PCDHGA7: variants seen among roughly 807,000 people sequenced by gnomAD.
PCDHGA7 encodes protocadherin gamma-A7.
Under a neutral mutation model 58.3 loss-of-function variants are expected in PCDHGA7, and 44 were observed. The ratio of observed to expected loss-of-function variants is 0.75; its 90% CI spans 0.59 to 0.97. PCDHGA7 has a LOEUF of 0.97. Among genes scored for constraint, PCDHGA7 ranks in the 50% least tolerant of loss-of-function variants. PCDHGA7 has a pLI of 0.00. For synonymous variants in PCDHGA7, 516 were observed against 504.2 expected (o/e 1.02, Z -0.31); for missense variants, 1,266 against 1,188.7 (o/e 1.06, Z -0.96).
Position 141,490,637 on chromosome 5 carries a change from A to C in PCDHGA7, c.2425-4170A>C. ...CTTTACACTGCTTACATCCTAGAAA[A>C]CCGGCCTCCGGGCTCCCTTCTTTGC... is the stretch of plus-strand genomic sequence containing the variant. On this transcript the variant is annotated intron_variant, in intron 1 of 3. Coordinates refer to ENST00000518325, the MANE Select transcript of PCDHGA7 (RefSeq NM_018920.4). This position sits in a 1 kb window ranked among gnomAD's most constrained non-coding sequence, Gnocchi z 5.4. 1 of 1,614,108 alleles carries C rather than the reference A, an allele frequency of 6.2e-7. No individual in the cohort carries two copies. Among genetic ancestry groups the C allele is most frequent in the Non-Finnish European group, 8.5e-7 (1 of 1,179,992 alleles).
chr5:141,511,215 A>G lies in PCDHGA7; in HGVS notation c.*42A>G, dbSNP rs1562250541. On this transcript the variant is annotated 3_prime_UTR_variant, in exon 4 of 4. Coordinates refer to ENST00000518325, the MANE Select transcript of PCDHGA7 (RefSeq NM_018920.4). ...AGAGCCACAGGGCGGCCTCTCCCCA[A>G]CCAGCCCAGCTTCTCCTTACCTGCA... The G allele has an allele frequency of 1.2e-6, 2 of 1,608,380 alleles. No individual in the cohort carries two copies. The highest frequency in any genetic ancestry group is 2.2e-5 in the East Asian group (1 of 44,560).
intron 1 of PCDHGA7, chr5:141,392,786 T>C: frequency 5.2e-6 from 8 of 1,550,412 alleles, no homozygotes; most frequent in Non-Finnish European, 7.0e-6. Flanking sequence ...CAGTGAAGAT[T>C]CTGAGAGGAT....
intron 1 of PCDHGA7, chr5:141,410,044 C>T (rs1220745023): frequency 1.7e-5 from 27 of 1,613,184 alleles, no homozygotes; most frequent in Admixed American, 3.3e-5. Context: ...CCAGTGAGCC[C>T]GGACTCTTCA....
In PCDHGA7 at chr5:141,384,270, C is replaced by T; in HGVS notation, c.1371C>T (p.Tyr457=). The T allele has an allele frequency of 6.2e-7, 1 of 1,613,890 alleles. No individual in the cohort carries two copies. Among genetic ancestry groups the T allele is most frequent in the Non-Finnish European group, 8.5e-7 (1 of 1,179,904 alleles). ...CACCCACCTTCCCCCACTCATCCTA[C>T]TCAGTCTACATCGCTGAGAACAACC... ...DNPPTFPHSS[Y]SVYIAENNPR... is the part of the protein sequence containing the mutation. Residue 457 remains tyrosine, a synonymous_variant, in exon 1 of 4, where the codon TAC becomes TAT. Coordinates refer to ENST00000518325, the MANE Select transcript of PCDHGA7 (RefSeq NM_018920.4).
chr5:141,389,204 T>G, intron 1 of PCDHGA7: 6 of 1,613,894 alleles, frequency 3.7e-6, no homozygotes, highest in Non-Finnish European at 5.1e-6. Context: ...CCCTGCACAT[T>G]GGTGATGTAA....
In PCDHGA7 at chr5:141,493,511, T is replaced by G. The variant is rs1203329648; in HGVS notation, c.2425-1296T>G. Among the ~76,000 whole-genome samples the G allele has an allele frequency of 6.6e-6, 1 of 152,094 alleles. No individual in the cohort carries two copies. Reference sequence around the variant, plus strand: ...TCTGTGGCTCCTCATTTCTGAGCAGTCCCCGCAGCGCAAACTTGGCCAGTT... The same window carrying G: ...TCTGTGGCTCCTCATTTCTGAGCAGGCCCCGCAGCGCAAACTTGGCCAGTT... On this transcript the variant is annotated intron_variant, in intron 1 of 3. Coordinates refer to ENST00000518325, the MANE Select transcript of PCDHGA7 (RefSeq NM_018920.4). This position sits in a 1 kb window ranked among gnomAD's most constrained non-coding sequence, Gnocchi z 4.3.
intron 1 of PCDHGA7, chr5:141,404,048 ATTC>A (rs1247713760): frequency 1.9e-6 from 3 of 1,613,866 alleles, no homozygotes; most frequent in South Asian, 1.1e-5. Flanking sequence ...GGGAACAGTA[ATTC>A]TTCTTTTCAA....
chr5:141,492,079 G>C (rs1400390407), intron 1 of PCDHGA7: 3 of 486,286 alleles, frequency 6.2e-6, no homozygotes, highest in South Asian at 4.1e-5. Flanking sequence ...CGCCGGCTCC[G>C]GCACGCTTCG....
In PCDHGA7 at chr5:141,489,117, T is replaced by A; in HGVS notation, c.2425-5690T>A. On this transcript the variant is annotated intron_variant, in intron 1 of 3. Coordinates refer to ENST00000518325, the MANE Select transcript of PCDHGA7 (RefSeq NM_018920.4). The surrounding 1 kb of genome is among the most constrained non-coding windows in gnomAD (Gnocchi z 4.5). ...AAGAACTGCTGCAAGCAGGCAAACCTCCGAGCAGTTTTTAAGAGGCTGGAA... is the reference window on the plus strand; with the variant it reads ...AAGAACTGCTGCAAGCAGGCAAACCACCGAGCAGTTTTTAAGAGGCTGGAA... The A allele has an allele frequency of 1.4e-5, 5 of 370,102 alleles. No homozygotes were observed. The highest frequency in any genetic ancestry group is 2.3e-5 in the Non-Finnish European group (5 of 214,436). 22.9% of individuals were successfully genotyped at this position (370,102 alleles called of 1,614,324 possible).
chr5:141,505,528 C>T (rs746609783), intron 3 of PCDHGA7, 47 bp downstream of exon 3: 4 of 1,612,320 alleles, frequency 2.5e-6, no homozygotes, highest in Non-Finnish European at 3.4e-6. Context: ...ACCTGGGGTT[C>T]TGGGGTGCAT....
Position 141,400,130 on chromosome 5 carries a change from T to C in PCDHGA7, c.2424+14807T>C, listed in dbSNP as rs369250985. On this transcript the variant is annotated intron_variant, in intron 1 of 3. Transcript: ENST00000518325. ...TTTGCTGACAGCTTGCAGGAGGTGC[T>C]GCCGGATATCACTGACCGCCCTGTA... is the stretch of plus-strand genomic sequence containing the variant. The C allele has an allele frequency of 1.9e-6, 3 of 1,613,954 alleles. No individual in the cohort carries two copies. The African/African-American group carries it at 4.0e-5, about 22-fold the overall frequency.
chr5:141,450,663 T>C (rs957466690), intron 1 of PCDHGA7, among the ~76,000 whole-genome samples: 1 of 151,652 alleles, frequency 6.6e-6, no homozygotes, highest in Non-Finnish European at 1.5e-5. Flanking sequence ...ATTTTTGTAC[T>C]TTTAGTAGAA....
intron 1 of PCDHGA7, chr5:141,390,418 A>C (rs2092141411): frequency 9.1e-7 from 1 of 1,099,654 alleles, no homozygotes; most frequent in African/African-American, 1.6e-5. Context: ...TAGTCAGTTA[A>C]AAAGCTGTCA....
chr5:141,428,204 C>G, intron 1 of PCDHGA7: 2 of 1,324,722 alleles, frequency 1.5e-6, no homozygotes, highest in Non-Finnish European at 1.1e-6. Context: ...TGCGCCGCTA[C>G]GCTTCACCTA....
intron 1 of PCDHGA7, chr5:141,419,208 C>G: frequency 5.6e-6 from 9 of 1,613,966 alleles, no homozygotes; most frequent in Non-Finnish European, 6.8e-6. Flanking sequence ...GACAACGCGC[C>G]GGTTTTCGGA....
rs57426385 is a variant in PCDHGA7 at position 141,415,740 on chromosome 5, G to GTTT, written c.2424+30447_2424+30449dup. ...TGAGTAGAATTTGATGTTTATTAAG[G>GTTT]TTTTTTTTTTTTTTTTTTTTTTTTT... On this transcript the variant is annotated intron_variant, in intron 1 of 3. Transcript: ENST00000518325. 6,178 of 620,014 alleles carry GTTT rather than the reference G, an allele frequency of 1.0e-2. 42 individuals are homozygous for GTTT. Among genetic ancestry groups the GTTT allele is most frequent in the South Asian group, 0.019 (660 of 34,340 alleles). The allele number at this position is 620,014 out of a possible 1,614,324, so 38.4% of individuals were successfully genotyped here. A position where few individuals can be genotyped will look rare whatever the true frequency, so the allele number is the denominator to read the frequency against.
chr5:141,456,446 T>C (rs1053843910), intron 1 of PCDHGA7, among the ~76,000 whole-genome samples: 2 of 151,782 alleles, frequency 1.3e-5, no homozygotes, highest in Admixed American at 1.3e-4. Context: ...GTATACAGAG[T>C]CCAAATATCA....
chr5:141,443,733 C>T (rs7723254), intron 1 of PCDHGA7, among the ~76,000 whole-genome samples: 16,856 of 152,062 alleles, frequency 0.11, 1,109 homozygotes, highest in African/African-American at 0.17. Context: ...TCATACATTT[C>T]CCTATCAGTG....
intron 1 of PCDHGA7, among the ~76,000 whole-genome samples, chr5:141,464,702 G>T (rs934638404): frequency 1.3e-5 from 2 of 151,942 alleles, no homozygotes; most frequent in African/African-American, 2.4e-5. Context: ...TATGAATGAG[G>T]TTAAATAGTT....
Sources: gnomAD v4.1 joint callset for allele counts (sites outside exome capture counted in the v4.1 genomes callset) on GRCh38, gnomAD v4.1.1 for gene constraint, Gnocchi (gnomAD v3.1) non-coding constraint, MANE v1.5 for transcripts, NCBI Gene and HGNC (gene_info 2026-07-23, HGNC 2026-07-21) for gene names.